The following NAALADL2 variants were observed in gnomAD, a reference collection of about 807,000 sequenced individuals.
NAALADL2 encodes the protein N-acetylated alpha-linked acidic dipeptidase like 2, also known as inactive N-acetylated-alpha-linked acidic dipeptidase-like protein 2.
In NAALADL2, 76 loss-of-function variants were observed where a neutral mutation model predicts 87.2. The ratio of observed to expected loss-of-function variants is 0.87; its 90% CI spans 0.72 to 1.05. The LOEUF is 1.05. Among genes scored for constraint, NAALADL2 ranks in the 50% least tolerant of loss-of-function variants. The probability of loss-of-function intolerance (pLI) is 0.00; values close to 1 mark genes in which losing one functional copy is unlikely to be tolerated. For synonymous variants in NAALADL2, 354 were observed against 331.0 expected, an observed-to-expected ratio of 1.07 and a Z score of -0.75; for missense variants, 1,089 against 945.8, an observed-to-expected ratio of 1.15 and a Z score of -1.99.
At chr3:174,665,321 C>T (rs910488786) in intron 2 of NAALADL2, among the ~76,000 whole-genome samples, 20 of 152,090 alleles carry the variant, frequency 1.3e-4, no homozygotes, top group Non-Finnish European at 1.0e-4. Context: ...GAATCAGGTA[C>T]TTGGGTTCTG....
At chr3:175,523,772 G>A (rs1733005390) in intron 9 of NAALADL2, among the ~76,000 whole-genome samples, 1 of 152,168 alleles carries the variant, frequency 6.6e-6, no homozygotes, top group Admixed American at 6.5e-5. Flanking sequence ...GAGTGGTTTG[G>A]CAGGAAAAAT....
At chr3:174,833,130 A>T (rs1313115291) in intron 3 of NAALADL2, among the ~76,000 whole-genome samples, 1 of 152,182 alleles carries the variant, frequency 6.6e-6, no homozygotes, top group African/African-American at 2.4e-5. Flanking sequence ...CTGAGAATAA[A>T]ATCATTTGTT....
At chr3:174,767,894 G>A (rs1714050356) in intron 3 of NAALADL2, among the ~76,000 whole-genome samples, 1 of 152,146 alleles carries the variant, frequency 6.6e-6, no homozygotes, top group Non-Finnish European at 1.5e-5. Context: ...AGTACAAGAG[G>A]TTATGTCAAT....
At chr3:175,440,985 G>A (rs932997512) in intron 5 of NAALADL2, among the ~76,000 whole-genome samples, 1 of 152,178 alleles carries the variant, frequency 6.6e-6, no homozygotes, top group Non-Finnish European at 1.5e-5. Flanking sequence ...GAAGGAGACT[G>A]AGAACTGTTG....
At chr3:175,562,759 A>T (rs1193827039) in intron 9 of NAALADL2, among the ~76,000 whole-genome samples, 1 of 147,112 alleles carries the variant, frequency 6.8e-6, no homozygotes, top group Admixed American at 7.0e-5. Flanking sequence ...TCAGGAGTAG[A>T]TAATCATCTT....
At chr3:174,921,272 A>G (rs1735143110) in intron 1 of NAALADL2, among the ~76,000 whole-genome samples, 1 of 152,240 alleles carries the variant, frequency 6.6e-6, no homozygotes, top group South Asian at 2.1e-4. Context: ...TTGTATATCT[A>G]GACAATATTT....
chr3:174,688,070 T>C (rs1027238286), intron 2 of NAALADL2, among the ~76,000 whole-genome samples: 1 of 152,208 alleles, frequency 6.6e-6, no homozygotes, highest in Non-Finnish European at 1.5e-5. Context: ...TTATATCTTA[T>C]GTAATTTTAG....
rs1226841949 is a variant in NAALADL2, at chr3:175,258,340, A to AAAAG, written c.939+1818_939+1821dup. 9.8e-4 allele frequency among the ~76,000 whole-genome samples: 147 copies of AAAAG among 150,148 alleles called. No homozygotes were observed. In the Middle Eastern group the frequency reaches 0.01, roughly 11 times the overall value. ...CCCCACCACCAAAAAAAAAAAAAAA[A>AAAAG]AAAGAAAGAAACAATCAGGCTTTCA... On this transcript the variant is annotated intron_variant, in intron 4 of 13. Transcript: ENST00000454872.
chr3:174,870,511 T>C (rs1228844988), intron 1 of NAALADL2, among the ~76,000 whole-genome samples: 4 of 152,276 alleles, frequency 2.6e-5, no homozygotes, highest in South Asian at 2.1e-4. Flanking sequence ...ACGGAAATAT[T>C]TGAAGACATT....
chr3:174,839,835 A>AT (rs1338847507), intron 3 of NAALADL2, among the ~76,000 whole-genome samples: 1 of 148,364 alleles, frequency 6.7e-6, no homozygotes, highest in African/African-American at 2.6e-5. Context: ...TAATAAAAAA[A>AT]AAATAATAAA....
chr3:174,812,685 A>G (rs1199474262), intron 3 of NAALADL2, among the ~76,000 whole-genome samples: 1 of 152,044 alleles, frequency 6.6e-6, no homozygotes, highest in Non-Finnish European at 1.5e-5. Context: ...CATTCCAGTG[A>G]GACAAGATGC....
intron 4 of NAALADL2, among the ~76,000 whole-genome samples, chr3:175,281,624 C>T (rs894285363): frequency 6.6e-6 from 1 of 151,960 alleles, no homozygotes; most frequent in East Asian, 1.9e-4. Flanking sequence ...AAGCCTCCAA[C>T]ATTATCAGAC....
intron 3 of NAALADL2, among the ~76,000 whole-genome samples, chr3:174,823,083 C>A (rs891971975): frequency 6.6e-6 from 1 of 152,104 alleles, no homozygotes; most frequent in African/African-American, 2.4e-5. Flanking sequence ...AAGATTAAAG[C>A]ACTTTCTATA....
At chr3:175,261,769 A>C (rs1751090401) in intron 4 of NAALADL2, among the ~76,000 whole-genome samples, 1 of 152,074 alleles carries the variant, frequency 6.6e-6, no homozygotes. Context: ...TTCATCAGAT[A>C]AGATTTATAT....
At chr3:175,007,150 T>TAAAA (rs397877957) in intron 1 of NAALADL2, among the ~76,000 whole-genome samples, 12 of 70,326 alleles carry the variant, frequency 1.7e-4, no homozygotes, top group Admixed American at 6.1e-4. Context: ...TTTTATAGGA[T>TAAAA]AAAAAAAAAA....
chr3:174,824,835 T>C (rs1721807980), intron 3 of NAALADL2, among the ~76,000 whole-genome samples: 1 of 152,224 alleles, frequency 6.6e-6, no homozygotes, highest in African/African-American at 2.4e-5. Context: ...ATACTGGAAA[T>C]GATTTACTTT....
intron 10 of NAALADL2, among the ~76,000 whole-genome samples, chr3:175,593,511 C>T (rs1721823459): frequency 6.6e-6 from 1 of 152,064 alleles, no homozygotes; most frequent in South Asian, 2.1e-4. Context: ...AACTGAGTGA[C>T]TTAAACAAGA....
intron 9 of NAALADL2, among the ~76,000 whole-genome samples, chr3:175,571,102 A>G (rs951479574): frequency 1.6e-4 from 24 of 152,310 alleles, no homozygotes; most frequent in African/African-American, 5.8e-4. Flanking sequence ...AAACTTGTCA[A>G]TTGTCTTGGC....
intron 1 of NAALADL2, among the ~76,000 whole-genome samples, chr3:175,085,633 T>G (rs1286266234): frequency 6.6e-6 from 1 of 152,124 alleles, no homozygotes; most frequent in Non-Finnish European, 1.5e-5. Context: ...GGTTAAGATA[T>G]AGATATTTTT....
Sources: allele counts gnomAD v4.1 joint callset (sites outside exome capture counted in the v4.1 genomes callset), GRCh38; gene constraint gnomAD v4.1.1; transcripts MANE v1.5; gene names NCBI Gene and HGNC (gene_info 2026-07-23, HGNC 2026-07-21).